Variants in PRKG1 observed in about 807,000 individuals in gnomAD.
PRKG1 encodes the protein cGMP-dependent protein kinase 1.
A neutral mutation model predicts 88.1 loss-of-function variants in PRKG1; 35 were observed. The ratio of observed to expected loss-of-function variants is 0.40; its 90% CI spans 0.30 to 0.53. The LOEUF (loss-of-function observed/expected upper bound fraction) is 0.53, where lower values mean the gene tolerates loss of function less well. Among genes scored for constraint, PRKG1 ranks in the 20% least tolerant of loss-of-function variants. The probability of loss-of-function intolerance (pLI) is 0.59; values close to 1 mark genes in which losing one functional copy is unlikely to be tolerated. For missense variants in PRKG1, 540 were observed against 839.8 expected, an observed-to-expected ratio of 0.64 and a Z score of 4.41; for synonymous variants, 303 against 292.5, an observed-to-expected ratio of 1.04 and a Z score of -0.37.
At chr10:52,198,153 A>G (rs1281960434) in intron 9 of PRKG1, among the ~76,000 whole-genome samples, 1 of 152,224 alleles carries the variant, frequency 6.6e-6, no homozygotes, top group East Asian at 1.9e-4. Flanking sequence ...GAGCTTCTTC[A>G]TCGTTTTCCA....
intron 2 of PRKG1, among the ~76,000 whole-genome samples, chr10:51,440,091 G>A (rs946947949): frequency 6.6e-6 from 1 of 151,908 alleles, no homozygotes; most frequent in African/African-American, 2.4e-5. Flanking sequence ...GGCTTGTACA[G>A]TCAGCTTCTT....
At chr10:51,066,005 A>G (rs1385313417) in intron 1 of PRKG1, among the ~76,000 whole-genome samples, 1 of 152,130 alleles carries the variant, frequency 6.6e-6, no homozygotes, top group African/African-American at 2.4e-5. Flanking sequence ...AAATGACTCA[A>G]GAGATGAGAG....
rs1842336568 is a variant in PRKG1, at chr10:52,294,338, T to C, written c.*438T>C. 1 of 154,138 alleles carries C rather than the reference T, an allele frequency of 6.5e-6. No individual in the cohort carries two copies. Among genetic ancestry groups the C allele is most frequent in the African/African-American group, 2.4e-5 (1 of 41,454 alleles). The allele number at this position is 154,138 out of a possible 1,614,324, so 9.5% of individuals were successfully genotyped here. A position where few individuals can be genotyped will look rare whatever the true frequency, so the allele number is the denominator to read the frequency against. ...AACTGGGCTATTCCCTTTCTTCAAG[T>C]GAAGGCTGTGGGATCTATTACTGCA... On this transcript the variant is annotated 3_prime_UTR_variant, in exon 18 of 18. Coordinates refer to ENST00000373980, the MANE Select transcript of PRKG1 (RefSeq NM_006258.4).
At chr10:51,027,998 A>C (rs1295712882) in intron 1 of PRKG1, among the ~76,000 whole-genome samples, 3 of 152,200 alleles carry the variant, frequency 2.0e-5, no homozygotes, top group African/African-American at 7.2e-5. Flanking sequence ...GGCATTTATC[A>C]TAGATAAACA....
At chr10:51,926,522 T>G (rs1564711659) in intron 5 of PRKG1, among the ~76,000 whole-genome samples, 1 of 152,162 alleles carries the variant, frequency 6.6e-6, no homozygotes, top group Non-Finnish European at 1.5e-5. Flanking sequence ...CGCCACTGTT[T>G]AAAACAAAGC....
At chr10:52,132,453 C>T (rs1489157104) in intron 7 of PRKG1, among the ~76,000 whole-genome samples, 2 of 151,834 alleles carry the variant, frequency 1.3e-5, no homozygotes, top group South Asian at 2.1e-4. Flanking sequence ...TAATTTAAAG[C>T]GATTGTAATC....
chr10:52,128,016 A>C (rs189623651), intron 7 of PRKG1: 1 of 980,130 alleles, frequency 1.0e-6, no homozygotes. Flanking sequence ...TGGTTCTTTG[A>C]TGCTTGTCAT....
intron 7 of PRKG1, among the ~76,000 whole-genome samples, chr10:52,075,548 G>A (rs1021291438): frequency 2.6e-5 from 4 of 152,200 alleles, no homozygotes; most frequent in Non-Finnish European, 5.9e-5. Flanking sequence ...TATCAAGTTA[G>A]ACAAATAGAT....
At chr10:51,253,188 C>T (rs1839470268) in intron 2 of PRKG1, among the ~76,000 whole-genome samples, 2 of 151,818 alleles carry the variant, frequency 1.3e-5, no homozygotes, top group Admixed American at 1.3e-4. Flanking sequence ...CAGGAAACAG[C>T]ATTATATTGC....
chr10:51,777,580 C>T (rs1442913715), intron 3 of PRKG1, among the ~76,000 whole-genome samples: 1 of 152,124 alleles, frequency 6.6e-6, no homozygotes, highest in Non-Finnish European at 1.5e-5. Context: ...GCCCCACTGT[C>T]GTACATTTGT....
At chr10:51,835,222 G>A (rs1161550021) in intron 4 of PRKG1, among the ~76,000 whole-genome samples, 1 of 152,214 alleles carries the variant, frequency 6.6e-6, no homozygotes, top group African/African-American at 2.4e-5. Context: ...CTGGCAGGTG[G>A]TACTTGACAA....
chr10:51,006,965 G>A (rs1024511929), intron 1 of PRKG1, among the ~76,000 whole-genome samples: 3 of 138,058 alleles, frequency 2.2e-5, no homozygotes, highest in African/African-American at 5.5e-5. Context: ...TTGAGATGGC[G>A]TCTTGTTTTG....
At position 51,836,454 on chromosome 10, in the gene PRKG1, C is replaced by T. The variant is rs552701790; in HGVS notation, c.698+31764C>T. On this transcript the variant is annotated intron_variant, in intron 4 of 17. Coordinates refer to ENST00000373980, the MANE Select transcript of PRKG1 (RefSeq NM_006258.4). Reference sequence around the variant, plus strand: ...TTTGTCTATATTTGCATTTGTTGCCCGTGTTTTGGGGTCATATCCAAGAAA... The same window carrying T: ...TTTGTCTATATTTGCATTTGTTGCCTGTGTTTTGGGGTCATATCCAAGAAA... Among the ~76,000 whole-genome samples, 23 of 152,026 alleles carry T rather than the reference C, an allele frequency of 1.5e-4. No individual in the cohort carries two copies. In the South Asian group the frequency reaches 2.5e-3, roughly 16 times the overall value.
chr10:51,604,971 G>C (rs1226570643), intron 3 of PRKG1, among the ~76,000 whole-genome samples: 1 of 152,246 alleles, frequency 6.6e-6, no homozygotes, highest in Non-Finnish European at 1.5e-5. Context: ...CCACATATGG[G>C]CTGGAAGGTT....
At chr10:52,163,073 G>C (rs1838321476) in intron 9 of PRKG1, among the ~76,000 whole-genome samples, 1 of 152,004 alleles carries the variant, frequency 6.6e-6, no homozygotes, top group Admixed American at 6.6e-5. Flanking sequence ...ATCCCACCGA[G>C]GTGGGAAAGG....
intron 5 of PRKG1, among the ~76,000 whole-genome samples, chr10:51,947,123 G>C (rs910155927): frequency 3.3e-5 from 5 of 152,050 alleles, no homozygotes; most frequent in Non-Finnish European, 5.9e-5. Context: ...CACCCAGTTC[G>C]AGCTTCCCAG....
At chr10:51,943,063 T>C (rs1237454516) in intron 5 of PRKG1, among the ~76,000 whole-genome samples, 1 of 152,102 alleles carries the variant, frequency 6.6e-6, no homozygotes, top group Non-Finnish European at 1.5e-5. Context: ...ATTTTCACGA[T>C]AATGATTCTT....
intron 3 of PRKG1, among the ~76,000 whole-genome samples, chr10:51,521,675 A>G (rs748612827): frequency 5.9e-5 from 9 of 152,214 alleles, no homozygotes; most frequent in Non-Finnish European, 1.2e-4. Flanking sequence ...TTCCATGAGA[A>G]TTCTAATTGT....
Position 51,115,769 on chromosome 10 carries a change from G to T in PRKG1, c.312-37395G>T, listed in dbSNP as rs111596083. On this transcript the variant is annotated intron_variant, in intron 1 of 17. Coordinates refer to ENST00000373980, the MANE Select transcript of PRKG1 (RefSeq NM_006258.4). ...GGAGAATTACTTGAACCTGGAGGTG[G>T]AGTCTGTGGTGAGCTGAGATTGTGC... 9.3e-3 allele frequency among the ~76,000 whole-genome samples: 1,402 copies of T among 150,720 alleles called. 23 individuals carry two copies. Among genetic ancestry groups the T allele is most frequent in the African/African-American group, 0.033 (1,335 of 41,050 alleles).
Sources: allele counts gnomAD v4.1 joint callset (sites outside exome capture counted in the v4.1 genomes callset), GRCh38; gene constraint gnomAD v4.1.1; transcripts MANE v1.5; gene names NCBI Gene and HGNC (gene_info 2026-07-23, HGNC 2026-07-21).